The following IKBKB variants were observed in gnomAD, a reference collection of about 807,000 sequenced individuals.
IKBKB encodes the protein inhibitor of nuclear factor kappa B kinase subunit beta.
IKBKB carries 42 observed loss-of-function variants against 113.6 expected under a neutral mutation model. The observed-to-expected ratio is 0.37, with a 90% confidence interval of 0.29 to 0.48. The LOEUF (loss-of-function observed/expected upper bound fraction) is 0.48. Among genes scored for constraint, IKBKB ranks in the 20% least tolerant of loss-of-function variants. The pLI, the probability that IKBKB is intolerant of heterozygous loss-of-function variation, is 0.99. For missense variants in IKBKB, 673 were observed against 939.7 expected, an observed-to-expected ratio of 0.72 and a Z score of 3.71; for synonymous variants, 296 against 361.3, an observed-to-expected ratio of 0.82 and a Z score of 2.05.
chr8:42,307,493 G>T (rs1296206059), intron 7 of IKBKB, among the ~76,000 whole-genome samples: 1 of 152,200 alleles, frequency 6.6e-6, no homozygotes, highest in Non-Finnish European at 1.5e-5. Flanking sequence ...AGTGGGTGAG[G>T]TAGGGGCAGT....
intron 19 of IKBKB, chr8:42,325,286 G>T: frequency 1.0e-6 from 1 of 985,550 alleles, no homozygotes; most frequent in South Asian, 4.7e-5. Context: ...TTTCTTCTCA[G>T]CCAGGTCATA....
intron 2 of IKBKB, among the ~76,000 whole-genome samples, chr8:42,284,852 CTTTTTTTTTTT>C (rs559953662): frequency 3.4e-5 from 4 of 116,096 alleles, no homozygotes; most frequent in Non-Finnish European, 6.9e-5. Flanking sequence ...AAACGTTATT[CTTTTTTTTTTT>C]TTTTTTTTTT....
chr8:42,271,530 T>A, intron 1 of IKBKB, 61 bp downstream of exon 1: 1 of 604,758 alleles, frequency 1.7e-6, no homozygotes, highest in Non-Finnish European at 2.8e-6. Context: ...CCCCGCTGCC[T>A]GCAAGGCCCG....
At chr8:42,304,434 C>T (rs1207634434) in intron 5 of IKBKB, among the ~76,000 whole-genome samples, 2 of 152,202 alleles carry the variant, frequency 1.3e-5, no homozygotes, top group Admixed American at 6.5e-5. Context: ...CTCCTCACAG[C>T]AGAAGCTCTT....
chr8:42,329,162 T>G lies in IKBKB; in HGVS notation c.2153T>G (p.Leu718Arg). ...GCTGAAGCACATAACCTCTGCACCC[T>G]GCTAGAAAATGCCATACAGGACACT... is the stretch of plus-strand genomic sequence containing the variant. ...LVAEAHNLCT[L>R]LENAIQDTVR... The change falls in exon 21 of 22, where the codon CTG becomes CGG. Residue 718 changes from leucine to arginine, a missense_variant. Physicochemically the swap from Leu to Arg is moderately radical, Grantham distance 102. This residue lies in a region of IKBKB where 506 missense variants were observed against 638.7 expected (regional missense o/e 0.79). Transcript: ENST00000520810. 1 of 1,605,980 alleles carries G rather than the reference T, an allele frequency of 6.2e-7. No individual in the cohort carries two copies. The highest frequency in any genetic ancestry group is 8.5e-7 in the Non-Finnish European group (1 of 1,177,380).
At chr8:42,321,840 TA>T in intron 16 of IKBKB, 55 bp from the exon 17 acceptor site, 1 of 1,333,844 alleles carries the variant, frequency 7.5e-7, no homozygotes, top group Non-Finnish European at 1.0e-6. Flanking sequence ...CAAAAAAATG[TA>T]AAAATTAGCC....
At chr8:42,301,786 G>C (rs1051693226) in intron 5 of IKBKB, among the ~76,000 whole-genome samples, 2 of 152,134 alleles carry the variant, frequency 1.3e-5, no homozygotes, top group Admixed American at 6.5e-5. Context: ...TCCACGTGGC[G>C]TAGAGAGCGG....
chr8:42,274,900 G>C (rs1808746419), intron 2 of IKBKB, among the ~76,000 whole-genome samples: 2 of 147,068 alleles, frequency 1.4e-5, no homozygotes, highest in Admixed American at 1.4e-4. Context: ...TTTTTGAGAT[G>C]GATTCTTGCT....
chr8:42,317,559 T>C, intron 11 of IKBKB, 98 bp from the exon 12 acceptor site: 1 of 804,952 alleles, frequency 1.2e-6, no homozygotes, highest in Non-Finnish European at 2.2e-6. Context: ...GATGATGCTC[T>C]TGCTGAACAG....
intron 16 of IKBKB, chr8:42,321,654 C>T (rs1056530719): frequency 1.8e-5 from 8 of 443,028 alleles, no homozygotes; most frequent in African/African-American, 7.9e-5. Context: ...CCCAAGTAAC[C>T]GGGACTACAG....
rs368494951 is a variant in IKBKB, at chr8:42,316,792, C to T, written c.1013C>T (p.Ala338Val). The T allele has an allele frequency of 6.2e-7, 1 of 1,614,028 alleles. No homozygotes were observed. The highest frequency in any genetic ancestry group is 1.3e-5 in the African/African-American group (1 of 74,914). Reference sequence around the variant, plus strand: ...GATGAGAGTCTGCAGAGCTTGAAGGCCAGAATCCAACAGGACACGGGCATC... The same window carrying T: ...GATGAGAGTCTGCAGAGCTTGAAGGTCAGAATCCAACAGGACACGGGCATC... Reference protein sequence around the residue: ...TEDESLQSLKARIQQDTGIPE... With the variant: ...TEDESLQSLKVRIQQDTGIPE... Residue 338 changes from alanine (A) to valine (V), a missense_variant, in exon 11 of 22, where the codon GCC becomes GTC. Physicochemically the swap from Ala to Val is moderately conservative, Grantham distance 64. Around this residue, in one of 2 missense-constraint regions of IKBKB, gnomAD observed 506 missense variants for 638.7 expected, o/e 0.79. Coordinates refer to ENST00000520810, the MANE Select transcript of IKBKB (RefSeq NM_001556.3). This position sits in a 1 kb window ranked among gnomAD's most constrained non-coding sequence, Gnocchi z 4.5.
chr8:42,275,486 A>G (rs1157959289), intron 2 of IKBKB, among the ~76,000 whole-genome samples: 1 of 152,152 alleles, frequency 6.6e-6, no homozygotes, highest in Admixed American at 6.5e-5. Flanking sequence ...GACTTTACCC[A>G]ACTGAGATCA....
chr8:42,272,480 G>A (rs962282250), intron 2 of IKBKB: 10 of 573,638 alleles, frequency 1.7e-5, no homozygotes, highest in Non-Finnish European at 2.8e-5. Context: ...AGAATATCAT[G>A]TACTAATATA....
At chr8:42,288,536 G>A (rs935698097) in intron 2 of IKBKB, 98 bp from the exon 3 acceptor site, 6 of 820,212 alleles carry the variant, frequency 7.3e-6, no homozygotes, top group Middle Eastern at 3.4e-4. Flanking sequence ...GGTGATTGCA[G>A]GTAACGCTTG....
rs191520617 is a variant in IKBKB at position 42,277,163 on chromosome 8, C to G, written c.105+4958C>G. 2.6e-3 allele frequency among the ~76,000 whole-genome samples: 393 copies of G among 150,016 alleles called. 8 individuals are homozygous for G. Among genetic ancestry groups the G allele is most frequent in the East Asian group, 3.9e-3 (20 of 5,072 alleles). On this transcript the variant is annotated intron_variant, in intron 2 of 21. Coordinates refer to ENST00000520810, the MANE Select transcript of IKBKB (RefSeq NM_001556.3). ...GGATTACAGGCGTGAGCCACCGCAC[C>G]CGGCCACGTGTGGCTAATTTTTTTT...
rs533717230 is a variant in IKBKB at position 42,284,385 on chromosome 8, A to G, written c.106-4249A>G. 2.0e-5 allele frequency among the ~76,000 whole-genome samples: 3 copies of G among 152,278 alleles called. No homozygotes were observed. In the South Asian group the frequency reaches 6.2e-4, roughly 32 times the overall value. ...ATCACGAGGTCAGGAGATGGAGACCATCGTGGCTAACATGGTGAAACCCCA... is the reference window on the plus strand; with the variant it reads ...ATCACGAGGTCAGGAGATGGAGACCGTCGTGGCTAACATGGTGAAACCCCA... On this transcript the variant is annotated intron_variant, in intron 2 of 21. Coordinates refer to ENST00000520810, the MANE Select transcript of IKBKB (RefSeq NM_001556.3).
chr8:42,273,182 C>T (rs1320950361), intron 2 of IKBKB, among the ~76,000 whole-genome samples: 2 of 151,560 alleles, frequency 1.3e-5, no homozygotes, highest in Non-Finnish European at 2.9e-5. Context: ...TTTGGGAGGC[C>T]GAGGCAGGAG....
chr8:42,321,888 T>C lies in IKBKB; in HGVS notation c.1689-8T>C. The C allele has an allele frequency of 6.3e-7, 1 of 1,595,658 alleles. No homozygotes were observed. The highest frequency in any genetic ancestry group is 2.2e-5 in the East Asian group (1 of 44,782). The stretch of plus-strand genomic sequence containing the variant: ...CAAGTCTAGACAGAACTTCTTTGTA[T>C]ATTTTAGAGAGGAGCAAGCAAGGGA... On this transcript the variant is annotated splice_polypyrimidine_tract_variant and splice_region_variant and intron_variant, in intron 16 of 21. Transcript: ENST00000520810.
chr8:42,320,500 C>A, intron 15 of IKBKB: 1 of 469,494 alleles, frequency 2.1e-6, no homozygotes, highest in Non-Finnish European at 3.8e-6. Flanking sequence ...CTATTTTATG[C>A]AAAAGGAAAC....
Sources: gnomAD v4.1 joint callset for allele counts (sites outside exome capture counted in the v4.1 genomes callset) on GRCh38, gnomAD v4.1.1 for gene constraint, gnomAD v4.1.1 regional missense constraint, Gnocchi (gnomAD v3.1) non-coding constraint, MANE v1.5 for transcripts, NCBI Gene and HGNC (gene_info 2026-07-23, HGNC 2026-07-21) for gene names.